The following RPL28 variants were observed in gnomAD, a reference collection of about 807,000 sequenced individuals.
RPL28 encodes the protein ribosomal protein L28.
RPL28 carries 4 observed loss-of-function variants against 12.5 expected under a neutral mutation model. The observed-to-expected ratio is 0.32, with a 90% CI of 0.16 to 0.73. The LOEUF is 0.73. Among genes scored for constraint, RPL28 ranks in the 30% least tolerant of loss-of-function variants. RPL28 has a pLI of 0.66. For synonymous variants in RPL28, 91 were observed against 72.5 expected (o/e 1.26, Z -1.30); for missense variants, 214 against 197.7 (o/e 1.08, Z -0.49).
chr19:55,386,875 G>A (rs949846703), intron 3 of RPL28, 182 bp downstream of exon 3: 8 of 1,543,528 alleles, frequency 5.2e-6, no homozygotes, highest in East Asian at 2.4e-5. Flanking sequence ...AGCCGCGCGC[G>A]TCTGAGCCCG....
At chr19:55,402,339 C>A (rs954756701) in intron 4 of RPL28, among the ~76,000 whole-genome samples, 1 of 152,246 alleles carries the variant, frequency 6.6e-6, no homozygotes, top group South Asian at 2.1e-4. Flanking sequence ...AAGACTCTAG[C>A]TGGGTTGGAC....
Position 55,388,757 on chromosome 19 carries a change from T to G in RPL28, c.*425T>G. ...GGGGACTTGGGGTGTTCCCAAGACC[T>G]GGGGGACGACAGACATCACGGGAGG... On this transcript the variant is annotated 3_prime_UTR_variant, in exon 5 of 5. Coordinates refer to ENST00000344063, the MANE Select transcript of RPL28 (RefSeq NM_000991.5). 6 of 1,008,330 alleles carry G rather than the reference T, an allele frequency of 6.0e-6. No homozygotes were observed. The highest frequency in any genetic ancestry group is 7.1e-6 in the Non-Finnish European group (6 of 845,702). 62.5% of individuals were successfully genotyped at this position (1,008,330 alleles called of 1,614,324 possible).
At chr19:55,401,811 C>A (rs2090061461) in intron 4 of RPL28, 14 of 1,599,394 alleles carry the variant, frequency 8.8e-6, no homozygotes, top group Non-Finnish European at 1.2e-5. Context: ...CCTACAGGGA[C>A]CCCCAGGCCT....
At chr19:55,392,184 C>G, downstream of RPL28, 2 of 885,372 alleles carry the variant, frequency 2.3e-6, no homozygotes, top group Non-Finnish European at 2.7e-6. Context: ...CTAAGTTAGC[C>G]ACCTGTGCTT....
At position 55,390,440 on chromosome 19, in the gene RPL28, A is replaced by G; in HGVS notation, c.*2108A>G. 1.0e-6 allele frequency: 1 copy of G among 983,082 alleles called. No individual in the cohort carries two copies. Among genetic ancestry groups the G allele is most frequent in the Non-Finnish European group, 1.2e-6 (1 of 827,820 alleles). The allele number at this position is 983,082 out of a possible 1,614,324, so 60.9% of individuals were successfully genotyped here. ...GGCTGGTTTGGAACTCCTGACTTCA[A>G]ATTACCCACCTGCCTCAGCCTCCCA... On this transcript the variant is annotated 3_prime_UTR_variant, in exon 5 of 5. Transcript: ENST00000344063.
chr19:55,394,674 C>CTCCTG (rs2090011068), downstream of RPL28, among the ~76,000 whole-genome samples: 2 of 152,130 alleles, frequency 1.3e-5, no homozygotes, highest in Non-Finnish European at 2.9e-5. Flanking sequence ...TGGGCTGAAA[C>CTCCTG]AGTCCTCCCA....
At chr19:55,386,996 AG>A in intron 3 of RPL28, 2 of 1,442,020 alleles carry the variant, frequency 1.4e-6, no homozygotes, top group Non-Finnish European at 9.1e-7. Context: ...AAAGCAAGTC[AG>A]GGTGGGGATG....
rs1164625374 is a variant in RPL28 at position 55,386,599 on chromosome 19, C to T, written c.111C>T (p.Ser37=). The change falls in exon 3 of 5, where the codon TCC becomes TCT. Residue 37 remains serine (S), a synonymous_variant. Transcript: ENST00000344063. ...TEPNNLKARN[S]FRYNGLIHRK... ...CCAATAACTTGAAGGCCCGCAATTC[C>T]TTCCGCTACAACGGACTGATTCACC... The T allele has an allele frequency of 4.3e-6, 7 of 1,610,756 alleles. No individual in the cohort carries two copies. The highest frequency in any genetic ancestry group is 4.2e-6 in the Non-Finnish European group (5 of 1,177,268).
At position 55,391,837 on chromosome 19, in the gene RPL28, C is replaced by T; in HGVS notation, c.*3505C>T. ...TGCCTATGACTAATTTGTACACAAA[C>T]TAATGCTCGTGTTTCCCAAGCACCT... On this transcript the variant is annotated 3_prime_UTR_variant, in exon 5 of 5. Transcript: ENST00000344063. 2.1e-6 allele frequency: 3 copies of T among 1,402,082 alleles called. No individual in the cohort carries two copies. The highest frequency in any genetic ancestry group is 2.8e-6 in the Non-Finnish European group (3 of 1,067,696). 86.9% of individuals were successfully genotyped at this position (1,402,082 alleles called of 1,614,324 possible).
intron 3 of RPL28, 99 bp downstream of exon 3, chr19:55,386,792 C>T (rs775748813): frequency 3.1e-5 from 50 of 1,609,626 alleles, no homozygotes; most frequent in Admixed American, 2.7e-4. Context: ...ACTGCCATCG[C>T]GGCGGGCATC....
At chr19:55,392,775 C>A (rs1021428328), downstream of RPL28, among the ~76,000 whole-genome samples, 1 of 151,646 alleles carries the variant, frequency 6.6e-6, no homozygotes, top group South Asian at 2.1e-4. Flanking sequence ...GTGATCCGTC[C>A]GCCTCGGTCC....
At chr19:55,403,299 C>G, downstream of RPL28, 1 of 570,238 alleles carries the variant, frequency 1.8e-6, no homozygotes, top group East Asian at 2.9e-5. Context: ...AAAAAAGCCT[C>G]TAATGAGACC....
At position 55,391,544 on chromosome 19, in the gene RPL28, C is replaced by G. The variant is rs2089989887; in HGVS notation, c.*3212C>G. The G allele has an allele frequency of 2.0e-6, 3 of 1,518,740 alleles. No individual in the cohort carries two copies. Among genetic ancestry groups the G allele is most frequent in the African/African-American group, 2.8e-5 (2 of 72,638 alleles). 94.1% of individuals were successfully genotyped at this position (1,518,740 alleles called of 1,614,324 possible). A position where few individuals can be genotyped will look rare whatever the true frequency, so the allele number is the denominator to read the frequency against. ...CAGAGACTCGGGACTGAGGCATCCT[C>G]TGTTCACAGGACATGCTGGCATCTA... On this transcript the variant is annotated 3_prime_UTR_variant, in exon 5 of 5. Transcript: ENST00000344063.
In RPL28 at chr19:55,391,836, A is replaced by G. The variant is rs2089993062; in HGVS notation, c.*3504A>G. The G allele has an allele frequency of 5.0e-6, 7 of 1,401,100 alleles. No individual in the cohort carries two copies. The highest frequency in any genetic ancestry group is 6.6e-6 in the Non-Finnish European group (7 of 1,066,992). The allele number at this position is 1,401,100 out of a possible 1,614,324, so 86.8% of individuals were successfully genotyped here. On this transcript the variant is annotated 3_prime_UTR_variant, in exon 5 of 5. Transcript: ENST00000344063. ...ATGCCTATGACTAATTTGTACACAA[A>G]CTAATGCTCGTGTTTCCCAAGCACC...
downstream of RPL28, chr19:55,392,123 T>G: frequency 1.0e-6 from 1 of 989,604 alleles, no homozygotes; most frequent in Non-Finnish European, 1.2e-6. Context: ...CTTGAAAAAC[T>G]GCAAATGAAA....
Position 55,386,375 on chromosome 19 carries a change from A to G in RPL28, c.18A>G (p.Gln6=). 1.9e-6 allele frequency: 3 copies of G among 1,614,082 alleles called. No homozygotes were observed. The highest frequency in any genetic ancestry group is 2.5e-6 in the Non-Finnish European group (3 of 1,180,014). Residue 6 remains glutamine (Q), a synonymous_variant, in exon 2 of 5, where the codon CAA becomes CAG. Coordinates refer to ENST00000344063, the MANE Select transcript of RPL28 (RefSeq NM_000991.5). ...CCGCCGCCATGTCTGCGCATCTGCA[A>G]TGGATGGTCGTGCGGAACTGCTCCA... The part of the protein sequence containing the change: MSAHL[Q]WMVVRNCSSF...
chr19:55,387,555 G>T (rs2089944671), intron 3 of RPL28: 11 of 1,429,720 alleles, frequency 7.7e-6, no homozygotes, highest in Non-Finnish European at 9.1e-6. Flanking sequence ...AGCTGATGTT[G>T]AACCACTGCT....
In RPL28 at chr19:55,389,720, A is replaced by G. The variant is rs1293820839; in HGVS notation, c.*1388A>G. ...TGCCAGCCCCTGTCTGCTGTGAATT[A>G]CCATTTCCTTTGTCCTTCCCTTAGT... On this transcript the variant is annotated 3_prime_UTR_variant, in exon 5 of 5. Transcript: ENST00000344063. The G allele has an allele frequency of 2.4e-5, 24 of 985,442 alleles. No homozygotes were observed. Among genetic ancestry groups the G allele is most frequent in the Non-Finnish European group, 2.9e-5 (24 of 830,030 alleles). 61.0% of individuals were successfully genotyped at this position (985,442 alleles called of 1,614,324 possible). A position where few individuals can be genotyped will look rare whatever the true frequency, so the allele number is the denominator to read the frequency against.
At chr19:55,393,468 T>C (rs1375720593), downstream of RPL28, among the ~76,000 whole-genome samples, 1 of 152,040 alleles carries the variant, frequency 6.6e-6, no homozygotes, top group East Asian at 1.9e-4. Flanking sequence ...TCCACGCTTT[T>C]AGAGTGCACA....
Sources: allele counts gnomAD v4.1 joint callset (sites outside exome capture counted in the v4.1 genomes callset), GRCh38; gene constraint gnomAD v4.1.1; transcripts MANE v1.5; gene names NCBI Gene and HGNC (gene_info 2026-07-23, HGNC 2026-07-21).